Variants in HECW2 observed in about 807,000 individuals in gnomAD.
HECW2 encodes the protein HECT, C2 and WW domain containing E3 ubiquitin protein ligase 2.
A neutral mutation model predicts 175.2 loss-of-function variants in HECW2; 61 were observed. The observed-to-expected ratio is 0.35, with a 90% confidence interval of 0.28 to 0.43. The LOEUF is 0.43. Among genes scored for constraint, HECW2 ranks in the 20% least tolerant of loss-of-function variants. The pLI is 1.00. For synonymous variants in HECW2, 671 were observed against 731.0 expected (o/e 0.92, Z 1.32); for missense variants, 1,524 against 2,000.5 (o/e 0.76, Z 4.54).
At chr2:196,572,172 G>A (rs1479324680) in intron 1 of HECW2, among the ~76,000 whole-genome samples, 1 of 151,978 alleles carries the variant, frequency 6.6e-6, no homozygotes, top group Non-Finnish European at 1.5e-5. Flanking sequence ...TGGGTACAGG[G>A]TTTCAGAAGT....
chr2:196,455,779 A>G (rs117059881), intron 1 of HECW2, among the ~76,000 whole-genome samples: 2 of 152,108 alleles, frequency 1.3e-5, no homozygotes, highest in Admixed American at 6.5e-5. Context: ...AAATTATTTT[A>G]TTCTTGCAAA....
chr2:196,532,933 G>GA (rs1305012711), intron 1 of HECW2, among the ~76,000 whole-genome samples: 1 of 152,148 alleles, frequency 6.6e-6, no homozygotes, highest in African/African-American at 2.4e-5. Flanking sequence ...ATCTTATTAA[G>GA]AAAATACACT....
intron 1 of HECW2, among the ~76,000 whole-genome samples, chr2:196,518,003 T>A (rs1160014627): frequency 6.6e-6 from 1 of 152,172 alleles, no homozygotes; most frequent in Non-Finnish European, 1.5e-5. Flanking sequence ...AATTCAAATG[T>A]CCTTTAATGT....
chr2:196,391,705 C>G (rs745611236), intron 2 of HECW2, among the ~76,000 whole-genome samples: 24 of 152,154 alleles, frequency 1.6e-4, no homozygotes, highest in Non-Finnish European at 1.5e-4. Flanking sequence ...TGACAAAGTA[C>G]CACAAACTGA....
chr2:196,361,770 G>C (rs901206941), intron 2 of HECW2: 8 of 980,502 alleles, frequency 8.2e-6, no homozygotes, highest in Non-Finnish European at 8.5e-6. Flanking sequence ...AGGAAATCAA[G>C]TGACAGTGGA....
chr2:196,242,570 G>A (rs971327066), intron 19 of HECW2: 2 of 201,556 alleles, frequency 9.9e-6, no homozygotes, highest in Non-Finnish European at 2.0e-5. Flanking sequence ...TGATATCATG[G>A]CAATTAGACA....
At chr2:196,403,942 C>T (rs1400716236) in intron 2 of HECW2, among the ~76,000 whole-genome samples, 1 of 152,184 alleles carries the variant, frequency 6.6e-6, no homozygotes, top group Non-Finnish European at 1.5e-5. Flanking sequence ...CTCTATAGAA[C>T]CCAGAATTTC....
intron 2 of HECW2, among the ~76,000 whole-genome samples, chr2:196,421,878 C>T (rs1695415160): frequency 6.6e-6 from 1 of 152,106 alleles, no homozygotes; most frequent in African/African-American, 2.4e-5. Context: ...CTACACCAAC[C>T]TATGCAATTT....
chr2:196,437,896 A>G (rs1186110798), intron 1 of HECW2, among the ~76,000 whole-genome samples: 1 of 152,178 alleles, frequency 6.6e-6, no homozygotes, highest in Non-Finnish European at 1.5e-5. Flanking sequence ...GGTGGCCAGA[A>G]GAGTTAGCAT....
chr2:196,262,029 T>C (rs1009887514), intron 17 of HECW2, among the ~76,000 whole-genome samples: 2 of 152,094 alleles, frequency 1.3e-5, no homozygotes, highest in African/African-American at 2.4e-5. Flanking sequence ...TTATAATGTA[T>C]ACAGTTAGAA....
intron 21 of HECW2, among the ~76,000 whole-genome samples, chr2:196,234,150 T>C (rs76448188): frequency 0.03 from 4,567 of 152,288 alleles, 251 homozygotes; most frequent in African/African-American, 0.1. Flanking sequence ...GGGTTGGCCA[T>C]GGAGAAAAAG....
chr2:196,324,380 T>C (rs912613369), intron 6 of HECW2, among the ~76,000 whole-genome samples: 10 of 152,158 alleles, frequency 6.6e-5, no homozygotes, highest in Non-Finnish European at 1.0e-4. Flanking sequence ...AGATGACTGG[T>C]AGCATACTGT....
chr2:196,593,183 C>T (rs963771760), intron 1 of HECW2, among the ~76,000 whole-genome samples: 4 of 151,438 alleles, frequency 2.6e-5, no homozygotes, highest in Non-Finnish European at 5.9e-5. Context: ...CACCCACCCC[C>T]GGGTTACGCC....
At chr2:196,526,958 G>A (rs535418907) in intron 1 of HECW2, among the ~76,000 whole-genome samples, 211 of 152,212 alleles carry the variant, frequency 1.4e-3, no homozygotes, top group Non-Finnish European at 2.4e-3. Context: ...CCCCAGAGGT[G>A]GAGCCTACAG....
intron 2 of HECW2, among the ~76,000 whole-genome samples, chr2:196,394,180 T>C (rs1427366061): frequency 6.6e-6 from 1 of 151,890 alleles, no homozygotes; most frequent in Non-Finnish European, 1.5e-5. Context: ...AGGGATAGCA[T>C]TAGGAGATAT....
At chr2:196,251,216 T>A (rs974393033) in intron 19 of HECW2, among the ~76,000 whole-genome samples, 1 of 152,148 alleles carries the variant, frequency 6.6e-6, no homozygotes, top group Non-Finnish European at 1.5e-5. Flanking sequence ...TATTGACCAC[T>A]CCTCTGTGAA....
intron 1 of HECW2, among the ~76,000 whole-genome samples, chr2:196,540,507 T>G (rs1156479495): frequency 6.6e-6 from 1 of 152,196 alleles, no homozygotes; most frequent in Non-Finnish European, 1.5e-5. Flanking sequence ...GGCAAGATCA[T>G]AGCTCACAGT....
intron 10 of HECW2, among the ~76,000 whole-genome samples, chr2:196,313,241 C>T (rs781250204): frequency 3.3e-5 from 5 of 152,130 alleles, no homozygotes; most frequent in East Asian, 3.8e-4. Context: ...GCTGGGCTGG[C>T]GATTGTTTTT....
At chr2:196,278,152 A>ATATATATATATATATATATATAT (rs1553489733) in intron 15 of HECW2, among the ~76,000 whole-genome samples, 116 of 119,962 alleles carry the variant, frequency 9.7e-4, no homozygotes, top group Non-Finnish European at 1.4e-3. Context: ...ATATATATAT[A>ATATATATATATATATATATATAT]AAGAAATTCC....
Sources: gnomAD v4.1 joint callset for allele counts (sites outside exome capture counted in the v4.1 genomes callset) on GRCh38, gnomAD v4.1.1 for gene constraint, MANE v1.5 for transcripts, NCBI Gene and HGNC (gene_info 2026-07-23, HGNC 2026-07-21) for gene names.